Variants in CPXM2 observed in about 807,000 individuals in gnomAD.
CPXM2 encodes the protein carboxypeptidase X, M14 family member 2, also known as inactive carboxypeptidase-like protein X2.
Under a neutral mutation model 86.1 loss-of-function variants are expected in CPXM2, and 66 were observed. That is an observed-to-expected ratio of 0.77 (90% CI 0.63 to 0.94). The LOEUF is 0.94. Ranked by LOEUF, CPXM2 falls within the 40% of genes least tolerant of loss-of-function variation. The pLI is 0.00. For missense variants in CPXM2, 948 were observed against 1,026.3 expected, an observed-to-expected ratio of 0.92 and a Z score of 1.04; for synonymous variants, 388 against 400.2, an observed-to-expected ratio of 0.97 and a Z score of 0.36.
intron 6 of CPXM2, among the ~76,000 whole-genome samples, chr10:123,793,739 C>T (rs2162537): frequency 0.94 from 143,710 of 152,170 alleles, 67,946 homozygotes; most frequent in African/African-American, 0.97. Flanking sequence ...CTCTACCTAA[C>T]TCCTATCTTT....
At chr10:123,862,752 A>G (rs747368942) in intron 2 of CPXM2, 29 bp from the exon 3 acceptor site, 4 of 1,569,182 alleles carry the variant, frequency 2.5e-6, no homozygotes, top group Non-Finnish European at 3.5e-6. Flanking sequence ...TGTTAAAAAC[A>G]ACGACAGATG....
chr10:123,913,350 A>T (rs1457059653), intron 2 of CPXM2, among the ~76,000 whole-genome samples: 1 of 152,168 alleles, frequency 6.6e-6, no homozygotes, highest in Non-Finnish European at 1.5e-5. Context: ...TTCTCCAAGT[A>T]GCATTTGGTG....
chr10:123,798,605 G>A, intron 5 of CPXM2, among the ~76,000 whole-genome samples: 1 of 152,158 alleles, frequency 6.6e-6, no homozygotes, highest in East Asian at 1.9e-4. Context: ...TGTGTGTAGG[G>A]GGTAAGAATG....
chr10:123,894,660 G>A (rs979608821), upstream of CPXM2, among the ~76,000 whole-genome samples: 2 of 152,154 alleles, frequency 1.3e-5, no homozygotes, highest in African/African-American at 4.8e-5. Context: ...TCACCTATCT[G>A]CCTGGGAGGG....
intron 6 of CPXM2, among the ~76,000 whole-genome samples, chr10:123,780,488 A>T (rs1480001208): frequency 6.6e-6 from 1 of 152,212 alleles, no homozygotes. Flanking sequence ...TTCTACTTAC[A>T]TGCTGTATGA....
At chr10:123,778,364 G>A (rs978837721) in intron 7 of CPXM2, among the ~76,000 whole-genome samples, 2 of 152,174 alleles carry the variant, frequency 1.3e-5, no homozygotes, top group African/African-American at 2.4e-5. Flanking sequence ...GAATCCAAAT[G>A]GCAAATCATT....
In CPXM2 at chr10:123,750,623, G is replaced by A; in HGVS notation, c.2018-3606C>T. The A allele has an allele frequency of 3.1e-6, 3 of 959,938 alleles. No homozygotes were observed. In the South Asian group the frequency reaches 1.4e-4, roughly 46 times the overall value. 59.5% of individuals were successfully genotyped at this position (959,938 alleles called of 1,614,324 possible). A position where few individuals can be genotyped will look rare whatever the true frequency, so the allele number is the denominator to read the frequency against. On this transcript the variant is annotated intron_variant, in intron 13 of 13. Transcript: ENST00000241305. ...AATTATCTCTAGGTCTCCTTCACTA[G>A]AATGTGTACTTTTAGAGGTCATATT...
In CPXM2 at chr10:123,761,958, T is replaced by G. The variant is rs1846352711; in HGVS notation, c.1691A>C (p.Asp564Ala). ...CGTGTGGCACACCCTCCTCCGGGCGTCTGTCATGAGGCGGTGTGTGGAGGC... is the reference window on the plus strand; with the variant it reads ...CGTGTGGCACACCCTCCTCCGGGCGGCTGTCATGAGGCGGTGTGTGGAGGC... ...SYASTHRLMT[D>A]ARRRVCHTED... Residue 564 changes from aspartate (D) to alanine (A), a missense_variant, in exon 11 of 14, where the codon GAC becomes GCC. Asp to Ala is a moderately radical substitution (Grantham distance 126). Transcript: ENST00000241305. 1 of 1,613,630 alleles carries G rather than the reference T, an allele frequency of 6.2e-7. No individual in the cohort carries two copies. The highest frequency in any genetic ancestry group is 1.3e-5 in the African/African-American group (1 of 74,872).
At chr10:123,888,896 AG>A (rs1381622711) in intron 1 of CPXM2, among the ~76,000 whole-genome samples, 2 of 152,166 alleles carry the variant, frequency 1.3e-5, no homozygotes, top group Non-Finnish European at 2.9e-5. Context: ...ACGTGTTTTC[AG>A]TATGGGGCTT....
rs747051130 is a variant in CPXM2, at chr10:123,754,431, C to G, written c.2017+232G>C. Among the ~76,000 whole-genome samples, 2 of 152,236 alleles carry G rather than the reference C, an allele frequency of 1.3e-5. No individual in the cohort carries two copies. The highest frequency in any genetic ancestry group is 2.9e-5 in the Non-Finnish European group (2 of 68,048). On this transcript the variant is annotated intron_variant, in intron 13 of 13. Coordinates refer to ENST00000241305, the MANE Select transcript of CPXM2 (RefSeq NM_198148.3). The surrounding 1 kb of genome is among the most constrained non-coding windows in gnomAD (Gnocchi z 4.0). ...AACTTCCACTGTGCCTGGAGGCCAG[C>G]TGGTGGCTGCACAGCCATCCTGTGA...
At chr10:123,915,050 C>T (rs914500899) in intron 2 of CPXM2, among the ~76,000 whole-genome samples, 2 of 152,222 alleles carry the variant, frequency 1.3e-5, no homozygotes, top group Non-Finnish European at 2.9e-5. Flanking sequence ...GTCCCCTCCC[C>T]TCCCGCGGCT....
At chr10:123,875,233 A>G (rs1469249056) in intron 2 of CPXM2, among the ~76,000 whole-genome samples, 3 of 152,226 alleles carry the variant, frequency 2.0e-5, no homozygotes, top group Non-Finnish European at 4.4e-5. Context: ...TAGAGACTAA[A>G]GAATAACTTT....
At chr10:123,832,354 C>A (rs1220348953) in intron 4 of CPXM2, among the ~76,000 whole-genome samples, 2 of 152,050 alleles carry the variant, frequency 1.3e-5, no homozygotes, top group African/African-American at 2.4e-5. Context: ...CTTGCACAGG[C>A]CTCACAACAC....
At chr10:123,801,147 A>G (rs1397598552) in intron 4 of CPXM2, among the ~76,000 whole-genome samples, 1 of 152,062 alleles carries the variant, frequency 6.6e-6, no homozygotes, top group African/African-American at 2.4e-5. Context: ...CATAATCCCC[A>G]CATGTTGTTG....
intron 7 of CPXM2, among the ~76,000 whole-genome samples, chr10:123,778,445 G>A (rs559016892): frequency 6.6e-6 from 1 of 152,320 alleles, no homozygotes; most frequent in Admixed American, 6.5e-5. Context: ...CTGCTGAGCT[G>A]TGGGATCGCA....
At chr10:123,824,149 T>C (rs574025328) in intron 4 of CPXM2, among the ~76,000 whole-genome samples, 7 of 152,330 alleles carry the variant, frequency 4.6e-5, no homozygotes, top group African/African-American at 1.2e-4. Flanking sequence ...TTTTACTATG[T>C]TTCTCTGGAG....
intron 2 of CPXM2, among the ~76,000 whole-genome samples, chr10:123,879,017 G>T (rs921355003): frequency 6.6e-6 from 1 of 152,172 alleles, no homozygotes; most frequent in Non-Finnish European, 1.5e-5. Context: ...GCGCTCTCCC[G>T]GTCCAATGAG....
chr10:123,838,212 A>G (rs1848316116), intron 4 of CPXM2, among the ~76,000 whole-genome samples: 1 of 152,250 alleles, frequency 6.6e-6, no homozygotes, highest in African/African-American at 2.4e-5. Context: ...CTGCAATCCC[A>G]GCACTTTGGG....
chr10:123,878,294 CTCTTTTT>C (rs1945022321), intron 2 of CPXM2, among the ~76,000 whole-genome samples: 1 of 76,134 alleles, frequency 1.3e-5, no homozygotes, highest in African/African-American at 5.1e-5. Context: ...CTTTTTTTCT[CTCTTTTT>C]TTTTTTTTTT....
Sources: allele counts gnomAD v4.1 joint callset (sites outside exome capture counted in the v4.1 genomes callset), GRCh38; gene constraint gnomAD v4.1.1; non-coding constraint Gnocchi (gnomAD v3.1); transcripts MANE v1.5; gene names NCBI Gene and HGNC (gene_info 2026-07-23, HGNC 2026-07-21).